The following PLCG1 variants were observed in gnomAD, a reference collection of about 807,000 sequenced individuals.
PLCG1 encodes 1-phosphatidylinositol 4,5-bisphosphate phosphodiesterase gamma-1.
Under a neutral mutation model 177.8 loss-of-function variants are expected in PLCG1, and 71 were observed. That is an observed-to-expected ratio of 0.40 (90% CI 0.33 to 0.49). The LOEUF is 0.49. Among genes scored for constraint, PLCG1 ranks in the 20% least tolerant of loss-of-function variants. The pLI is 0.72. For synonymous variants in PLCG1, 658 were observed against 647.9 expected, an observed-to-expected ratio of 1.02 and a Z score of -0.24; for missense variants, 1,281 against 1,709.0, an observed-to-expected ratio of 0.75 and a Z score of 4.42.
rs906163106 is a variant in PLCG1 at position 41,173,237 on chromosome 20, C to T, written c.3280-183C>T. 3.3e-5 allele frequency among the ~76,000 whole-genome samples: 5 copies of T among 152,266 alleles called. No individual in the cohort carries two copies. Among genetic ancestry groups the T allele is most frequent in the African/African-American group, 9.6e-5 (4 of 41,536 alleles). ...TAAAGCTCAGACTTCAGATAAACTACAGGCAGCAGCTGCTCTGGACAGCTT... is the reference window on the plus strand; with the variant it reads ...TAAAGCTCAGACTTCAGATAAACTATAGGCAGCAGCTGCTCTGGACAGCTT... On this transcript the variant is annotated intron_variant, in intron 27 of 31. Transcript: ENST00000685551. This position sits in a 1 kb window ranked among gnomAD's most constrained non-coding sequence, Gnocchi z 6.2.
chr20:41,162,099 C>A (rs867534505), intron 4 of PLCG1, among the ~76,000 whole-genome samples: 3 of 152,158 alleles, frequency 2.0e-5, no homozygotes, highest in Middle Eastern at 3.2e-3. Flanking sequence ...GCCACCTTGG[C>A]ACAGGCCTCA....
In PLCG1 at chr20:41,172,409, T is replaced by C. The variant is rs542139988; in HGVS notation, c.2906-12T>C. 1.4e-5 allele frequency: 23 copies of C among 1,612,758 alleles called. No homozygotes were observed. The South Asian group carries it at 2.0e-4, about 14-fold the overall frequency. The stretch of plus-strand genomic sequence containing the variant: ...GGGCGGGCTCTGTAAGTGTTTTCCC[T>C]GTTTGGCCCAGAGATTGGCACAGAA... On this transcript the variant is annotated splice_polypyrimidine_tract_variant and intron_variant, in intron 25 of 31. Coordinates refer to ENST00000685551, the MANE Select transcript of PLCG1 (RefSeq NM_002660.3). This position sits in a 1 kb window ranked among gnomAD's most constrained non-coding sequence, Gnocchi z 7.0.
rs2035700609 is a variant in PLCG1, at chr20:41,166,553, T to C, written c.2078T>C (p.Val693Ala). Residue 693 changes from valine to alanine, a missense_variant, in exon 18 of 32, where the codon GTG (valine) becomes GCG (alanine). Transcript: ENST00000685551. This position sits in a 1 kb window ranked among gnomAD's most constrained non-coding sequence, Gnocchi z 8.6. ...GTCCCTCGTGATGGGGCCTTCCTGG[T>C]GCGGAAGCGGAATGAACCCAACTCA... is the stretch of plus-strand genomic sequence containing the variant. ...MRVPRDGAFL[V>A]RKRNEPNSYA... 6.2e-7 allele frequency: 1 copy of C among 1,614,166 alleles called. No homozygotes were observed. The highest frequency in any genetic ancestry group is 2.2e-5 in the East Asian group (1 of 44,888).
Position 41,172,930 on chromosome 20 carries a change from G to T in PLCG1, c.3279+53G>T. ...GTAGGAAAGGGGCTGCTTGCCGTTG[G>T]AGTCTGTTTATGTTGAGTTCTCCAA... On this transcript the variant is annotated intron_variant, in intron 27 of 31. Coordinates refer to ENST00000685551, the MANE Select transcript of PLCG1 (RefSeq NM_002660.3). This position sits in a 1 kb window ranked among gnomAD's most constrained non-coding sequence, Gnocchi z 7.0. 1 of 1,585,332 alleles carries T rather than the reference G, an allele frequency of 6.3e-7. No individual in the cohort carries two copies. Among genetic ancestry groups the T allele is most frequent in the Non-Finnish European group, 8.6e-7 (1 of 1,161,564 alleles).
At position 41,173,924 on chromosome 20, in the gene PLCG1, A is replaced by G. The variant is rs150557116; in HGVS notation, c.3558A>G (p.Gly1186=). 9.9e-6 allele frequency: 16 copies of G among 1,613,866 alleles called. No individual in the cohort carries two copies. In the African/African-American group the frequency reaches 2.0e-4, roughly 20 times the overall value. ...ATFPVKGLKT[G]YRAVPLKNNY... Reference sequence around the variant, plus strand: ...GGGCCAGGCTTTTCCTCCTCCTAGGATACAGAGCAGTGCCTTTGAAGAACA... The same window carrying G: ...GGGCCAGGCTTTTCCTCCTCCTAGGGTACAGAGCAGTGCCTTTGAAGAACA... The change falls in exon 30 of 32, where the codon GGA becomes GGG. Residue 1186 remains glycine, a splice_region_variant and synonymous_variant. Transcript: ENST00000685551. This position sits in a 1 kb window ranked among gnomAD's most constrained non-coding sequence, Gnocchi z 6.2.
rs541880214 is a variant in PLCG1 at position 41,150,216 on chromosome 20, C to T, written c.218-9390C>T. On this transcript the variant is annotated intron_variant, in intron 1 of 31. Coordinates refer to ENST00000685551, the MANE Select transcript of PLCG1 (RefSeq NM_002660.3). This position sits in a 1 kb window ranked among gnomAD's most constrained non-coding sequence, Gnocchi z 4.0. Reference sequence around the variant, plus strand: ...GCATGGTGGCTCACACCTGTAATCCCAGCACTTTGGGAGGCCGAAGTGAGA... The same window carrying T: ...GCATGGTGGCTCACACCTGTAATCCTAGCACTTTGGGAGGCCGAAGTGAGA... Among the ~76,000 whole-genome samples the T allele has an allele frequency of 2.6e-5, 4 of 152,242 alleles. No homozygotes were observed. The highest frequency in any genetic ancestry group is 9.6e-5 in the African/African-American group (4 of 41,534).
In PLCG1 at chr20:41,137,601, C is replaced by T. The variant is rs765927858; in HGVS notation, c.-41C>T. On this transcript the variant is annotated 5_prime_UTR_variant, in exon 1 of 32. Transcript: ENST00000685551. The surrounding 1 kb of genome is among the most constrained non-coding windows in gnomAD (Gnocchi z 7.3). ...CGCCGCCGTTGCGCTTGCTCCCGGGCGGTCCTGGCCTGTGCCGCCGCCGCC... is the reference window on the plus strand; with the variant it reads ...CGCCGCCGTTGCGCTTGCTCCCGGGTGGTCCTGGCCTGTGCCGCCGCCGCC... 2.5e-6 allele frequency: 3 copies of T among 1,197,274 alleles called. No homozygotes were observed. The highest frequency in any genetic ancestry group is 1.6e-5 in the African/African-American group (1 of 62,480). The allele number at this position is 1,197,274 out of a possible 1,614,324, so 74.2% of individuals were successfully genotyped here.
chr20:41,162,050 T>G (rs1274043277), intron 4 of PLCG1, among the ~76,000 whole-genome samples: 1 of 151,790 alleles, frequency 6.6e-6, no homozygotes, highest in Non-Finnish European at 1.5e-5. Flanking sequence ...ACAGGGAAGT[T>G]GTGAGTGAGC....
In PLCG1 at chr20:41,167,557, GTGAAGGGCCC is replaced by G; in HGVS notation, c.2302-294_2302-285del. On this transcript the variant is annotated intron_variant, in intron 19 of 31. Transcript: ENST00000685551. The surrounding 1 kb of genome is among the most constrained non-coding windows in gnomAD (Gnocchi z 4.4). ...CTAAAGCACTGAATATGGGTAGTCT[GTGAAGGGCCC>G]ACCTGCACATAGCTCAGAAATACTT... is the stretch of plus-strand genomic sequence containing the variant. 2.4e-6 allele frequency: 1 copy of G among 413,262 alleles called. No homozygotes were observed. 25.6% of individuals were successfully genotyped at this position (413,262 alleles called of 1,614,324 possible). A position where few individuals can be genotyped will look rare whatever the true frequency, so the allele number is the denominator to read the frequency against.
At chr20:41,138,851 G>C (rs1164809255) in intron 1 of PLCG1, among the ~76,000 whole-genome samples, 2 of 152,112 alleles carry the variant, frequency 1.3e-5, no homozygotes, top group East Asian at 3.9e-4. Context: ...TCCACTTAGC[G>C]CGTGCCTGTG....
chr20:41,158,372 G>T (rs748535550), intron 1 of PLCG1, among the ~76,000 whole-genome samples: 1 of 152,166 alleles, frequency 6.6e-6, no homozygotes, highest in Non-Finnish European at 1.5e-5. Context: ...AGAGCTTGGG[G>T]AGTACTCAAA....
chr20:41,138,052 C>T (rs921454121), intron 1 of PLCG1, 194 bp downstream of exon 1: 2 of 391,126 alleles, frequency 5.1e-6, no homozygotes, highest in Admixed American at 8.9e-5. Context: ...TCCTCGGTCA[C>T]CTGACAGGAC....
At chr20:41,162,214 T>A (rs2035522219) in intron 4 of PLCG1, among the ~76,000 whole-genome samples, 1 of 151,238 alleles carries the variant, frequency 6.6e-6, no homozygotes, top group Non-Finnish European at 1.5e-5. Flanking sequence ...ATTACAGGTT[T>A]TTTTTGTTTG....
rs1005571686 is a variant in PLCG1, at chr20:41,165,182, C to G, written c.1387-63C>G. The G allele has an allele frequency of 6.2e-7, 1 of 1,606,392 alleles. No homozygotes were observed. The highest frequency in any genetic ancestry group is 1.3e-5 in the African/African-American group (1 of 74,964). On this transcript the variant is annotated intron_variant, in intron 13 of 31. Coordinates refer to ENST00000685551, the MANE Select transcript of PLCG1 (RefSeq NM_002660.3). The surrounding 1 kb of genome is among the most constrained non-coding windows in gnomAD (Gnocchi z 6.6). ...CATGGCTTCAGCTGTTGGGCCTAAA[C>G]CTGGGTGAGGAGGTGGGGTGAGGAC...
chr20:41,172,992 GGTGGGGCCTGAGCTGA>G lies in PLCG1; in HGVS notation c.3279+118_3279+133del. On this transcript the variant is annotated intron_variant, in intron 27 of 31. Transcript: ENST00000685551. This position sits in a 1 kb window ranked among gnomAD's most constrained non-coding sequence, Gnocchi z 7.0. The stretch of plus-strand genomic sequence containing the variant: ...TTCAGGCATCAAGGTGGTCAGGGTG[GGTGGGGCCTGAGCTGA>G]GTCTTTGAAGGGGTGAAGATAGCAT... 9.1e-7 allele frequency: 1 copy of G among 1,097,858 alleles called. No homozygotes were observed. The highest frequency in any genetic ancestry group is 1.3e-6 in the Non-Finnish European group (1 of 768,038). The allele number at this position is 1,097,858 out of a possible 1,614,324, so 68.0% of individuals were successfully genotyped here. A position where few individuals can be genotyped will look rare whatever the true frequency, so the allele number is the denominator to read the frequency against.
In PLCG1 at chr20:41,164,176, A is replaced by G. The variant is rs1157748083; in HGVS notation, c.1192A>G (p.Lys398Glu). 6.2e-7 allele frequency: 1 copy of G among 1,614,030 alleles called. No homozygotes were observed. The highest frequency in any genetic ancestry group is 1.7e-5 in the Admixed American group (1 of 60,020). Reference protein sequence around the residue: ...IKFSDVLHTIKEHAFVASEYP... With the variant: ...IKFSDVLHTIEEHAFVASEYP... ...GTTCTCAGATGTCCTGCACACCATC[A>G]AGGAGCATGCCTTTGTGGCCTCAGA... is the stretch of plus-strand genomic sequence containing the variant. The change falls in exon 12 of 32, where the codon AAG (lysine) becomes GAG (glutamate). Residue 398 changes from lysine (K) to glutamate (E), a missense_variant. Coordinates refer to ENST00000685551, the MANE Select transcript of PLCG1 (RefSeq NM_002660.3). The surrounding 1 kb of genome is among the most constrained non-coding windows in gnomAD (Gnocchi z 6.4).
chr20:41,170,114 A>G lies in PLCG1; in HGVS notation c.2653A>G (p.Ile885Val), dbSNP rs2035844747. The change falls in exon 24 of 32, where the codon ATC becomes GTC. Residue 885 changes from isoleucine to valine, a missense_variant and splice_region_variant. Around this residue, in one of 4 missense-constraint regions of PLCG1, gnomAD observed 723 missense variants for 1,030.0 expected, o/e 0.70. Transcript: ENST00000685551. ...GTTATCTGCTCTCGCCCTCCCAGCC[A>G]TCCGTCCTGAGGGCAAGAACAACCG... ...VLDVPACQIA[I>V]RPEGKNNRLF... The G allele has an allele frequency of 6.2e-7, 1 of 1,609,272 alleles. No homozygotes were observed. The highest frequency in any genetic ancestry group is 1.7e-5 in the Admixed American group (1 of 59,758).
intron 1 of PLCG1, among the ~76,000 whole-genome samples, chr20:41,154,498 G>A (rs569817164): frequency 4.6e-4 from 70 of 152,256 alleles, no homozygotes; most frequent in Admixed American, 2.1e-3. Context: ...GAACTCTGCC[G>A]GGGCAACAGG....
intron 24 of PLCG1, chr20:41,170,557 C>G: frequency 3.0e-6 from 1 of 338,690 alleles, no homozygotes; most frequent in Non-Finnish European, 5.4e-6. Context: ...AAGTCCTGGG[C>G]TGGAAGCAGG....
Sources: allele counts gnomAD v4.1 joint callset (sites outside exome capture counted in the v4.1 genomes callset), GRCh38; gene constraint gnomAD v4.1.1; regional missense constraint gnomAD v4.1.1; non-coding constraint Gnocchi (gnomAD v3.1); transcripts MANE v1.5; gene names NCBI Gene and HGNC (gene_info 2026-07-23, HGNC 2026-07-21).